Variants in PDZD2 observed in about 807,000 individuals in gnomAD.
The protein encoded by PDZD2 is PDZ domain containing 2, also known as PDZ domain-containing protein 2.
A neutral mutation model predicts 220.7 loss-of-function variants in PDZD2; 90 were observed. The observed-to-expected ratio is 0.41, with a 90% confidence interval of 0.34 to 0.49. The LOEUF (loss-of-function observed/expected upper bound fraction) is 0.49, where lower values mean the gene tolerates loss of function less well. Ranked by LOEUF, PDZD2 falls within the 20% of genes least tolerant of loss-of-function variation. PDZD2 has a pLI of 0.28. For missense variants in PDZD2, 3,174 were observed against 3,608.5 expected (o/e 0.88, Z 3.08); for synonymous variants, 1,375 against 1,450.5 (o/e 0.95, Z 1.18).
rs529263124 is a variant in PDZD2, at chr5:31,961,310, C to T, written c.477-21845C>T. 1.7e-3 allele frequency among the ~76,000 whole-genome samples: 258 copies of T among 150,456 alleles called. 1 individual carries two copies. Among genetic ancestry groups the T allele is most frequent in the Non-Finnish European group, 3.2e-3 (217 of 67,884 alleles). ...CTTTGGGAGGCCGAGGCTGGCAGTT[C>T]ACTTTGAGACCAGGCGTTTGAGGGC... On this transcript the variant is annotated intron_variant, in intron 2 of 24. Coordinates refer to ENST00000438447, the MANE Select transcript of PDZD2 (RefSeq NM_178140.4).
chr5:31,848,710 T>C (rs1467521890), intron 2 of PDZD2, among the ~76,000 whole-genome samples: 4 of 146,918 alleles, frequency 2.7e-5, no homozygotes, highest in African/African-American at 5.0e-5. Context: ...GATCGTGCCA[T>C]TGCACTCCAG....
intron 1 of PDZD2, among the ~76,000 whole-genome samples, chr5:31,662,427 G>T (rs1278665052): frequency 6.6e-6 from 1 of 152,064 alleles, no homozygotes; most frequent in African/African-American, 2.4e-5. Context: ...AGTCCTTTTG[G>T]GCCACTATAA....
chr5:31,855,399 G>T (rs1224435207), intron 2 of PDZD2, among the ~76,000 whole-genome samples: 2 of 152,226 alleles, frequency 1.3e-5, no homozygotes, highest in Non-Finnish European at 2.9e-5. Context: ...AGGAGTAAGT[G>T]ACTTGGAGCT....
chr5:31,987,892 C>G (rs996457069), intron 3 of PDZD2, among the ~76,000 whole-genome samples: 1 of 152,284 alleles, frequency 6.6e-6, no homozygotes, highest in South Asian at 2.1e-4. Context: ...AAGCACTGCC[C>G]ACTGCCTTCT....
At chr5:31,792,250 C>T (rs898725729) in intron 1 of PDZD2, among the ~76,000 whole-genome samples, 12 of 152,132 alleles carry the variant, frequency 7.9e-5, no homozygotes, top group African/African-American at 2.9e-4. Context: ...CTGGTTAAGT[C>T]AGGTATAGTT....
At chr5:31,733,029 G>T (rs923354138) in intron 1 of PDZD2, among the ~76,000 whole-genome samples, 1 of 152,104 alleles carries the variant, frequency 6.6e-6, no homozygotes, top group Non-Finnish European at 1.5e-5. Context: ...GCGCCCGGCC[G>T]GGAGCAGCTT....
At chr5:31,654,620 G>A (rs192190819) in intron 1 of PDZD2, among the ~76,000 whole-genome samples, 257 of 152,092 alleles carry the variant, frequency 1.7e-3, no homozygotes, top group Admixed American at 5.2e-3. Context: ...TTCCCACCCT[G>A]CCCCTTCCAG....
chr5:31,749,089 G>A (rs1026315427), intron 1 of PDZD2, among the ~76,000 whole-genome samples: 1 of 147,314 alleles, frequency 6.8e-6, no homozygotes, highest in African/African-American at 2.4e-5. Context: ...TATTTCATGG[G>A]GGGGGGCCTT....
chr5:31,704,533 C>T (rs953854175), intron 1 of PDZD2, among the ~76,000 whole-genome samples: 2 of 152,226 alleles, frequency 1.3e-5, no homozygotes, highest in African/African-American at 4.8e-5. Flanking sequence ...GGACACGCCA[C>T]AGTTGACTTA....
chr5:31,716,712 A>G (rs1204501035), intron 1 of PDZD2, among the ~76,000 whole-genome samples: 1 of 152,178 alleles, frequency 6.6e-6, no homozygotes. Flanking sequence ...CTGAGGCAGG[A>G]CAGTTGCTTG....
chr5:32,106,976 T>A (rs1252235232), intron 24 of PDZD2, among the ~76,000 whole-genome samples: 1 of 152,234 alleles, frequency 6.6e-6, no homozygotes. Flanking sequence ...TGTATTTTTA[T>A]CACATAATAT....
At chr5:31,666,397 C>T (rs781517781) in intron 1 of PDZD2, among the ~76,000 whole-genome samples, 2 of 152,218 alleles carry the variant, frequency 1.3e-5, no homozygotes, top group Non-Finnish European at 2.9e-5. Flanking sequence ...GAGCTTATCT[C>T]CTTATTAAAA....
intron 2 of PDZD2, among the ~76,000 whole-genome samples, chr5:31,914,055 T>C (rs6897645): frequency 0.9 from 136,331 of 152,240 alleles, 61,320 homozygotes; most frequent in East Asian, 0.98. Context: ...CCAACCCAAC[T>C]ACAGTGTGCC....
intron 24 of PDZD2, among the ~76,000 whole-genome samples, chr5:32,107,766 C>T (rs1321564562): frequency 1.3e-5 from 2 of 152,088 alleles, no homozygotes; most frequent in African/African-American, 4.8e-5. Context: ...TTTGGAGGGG[C>T]GGCAGGAGGG....
intron 19 of PDZD2, among the ~76,000 whole-genome samples, chr5:32,086,732 A>T (rs952622527): frequency 2.0e-5 from 3 of 151,962 alleles, no homozygotes; most frequent in African/African-American, 7.3e-5. Context: ...GCTGCAGTGC[A>T]ATGGCACATT....
intron 2 of PDZD2, among the ~76,000 whole-genome samples, chr5:31,901,717 A>ATTT (rs201143039): frequency 0.029 from 4,363 of 152,324 alleles, 94 homozygotes; most frequent in Non-Finnish European, 0.043. Context: ...CTTTTAGAAC[A>ATTT]TTTTAATCAC....
At chr5:31,787,050 G>A (rs942985959) in intron 1 of PDZD2, among the ~76,000 whole-genome samples, 1 of 152,294 alleles carries the variant, frequency 6.6e-6, no homozygotes, top group Middle Eastern at 3.4e-3. Context: ...TGATCTACTG[G>A]GTTGTGAATG....
At chr5:31,857,157 T>G (rs986518280) in intron 2 of PDZD2, among the ~76,000 whole-genome samples, 3 of 152,024 alleles carry the variant, frequency 2.0e-5, no homozygotes, top group African/African-American at 7.3e-5. Flanking sequence ...AGCCTCAACT[T>G]CCACTTCTGT....
chr5:32,089,818 T>G lies in PDZD2; in HGVS notation c.6370T>G (p.Cys2124Gly). ...GGGAGGGTGCTTGGCCCAGGGCAAC[T>G]GTCAGGAGAAGAGTGAAATCAGGCT... is the stretch of plus-strand genomic sequence containing the variant. The part of the protein sequence containing the change: ...RRGGCLAQGN[C>G]QEKSEIRLYR... The change falls in exon 20 of 25, where the codon TGT becomes GGT. Residue 2124 changes from cysteine (C) to glycine (G), a missense_variant. Transcript: ENST00000438447. 1 of 1,613,998 alleles carries G rather than the reference T, an allele frequency of 6.2e-7. No individual in the cohort carries two copies. Among genetic ancestry groups the G allele is most frequent in the South Asian group, 1.1e-5 (1 of 91,068 alleles).
Sources: allele counts gnomAD v4.1 joint callset (sites outside exome capture counted in the v4.1 genomes callset), GRCh38; gene constraint gnomAD v4.1.1; transcripts MANE v1.5; gene names NCBI Gene and HGNC (gene_info 2026-07-23, HGNC 2026-07-21).